ATF1: variants seen among roughly 807,000 people sequenced by gnomAD.
ATF1 encodes activating transcription factor 1, also known as cyclic AMP-dependent transcription factor ATF-1.
A neutral mutation model predicts 34.7 loss-of-function variants in ATF1; 16 were observed. That is an observed-to-expected ratio of 0.46 (90% confidence interval 0.31 to 0.70). ATF1 has a LOEUF of 0.70. Among genes scored for constraint, ATF1 ranks in the 30% least tolerant of loss-of-function variants. The pLI, the probability that ATF1 is intolerant of heterozygous loss-of-function variation, is 0.05. For synonymous variants in ATF1, 105 were observed against 113.1 expected (o/e 0.93, Z 0.46); for missense variants, 255 against 321.6 (o/e 0.79, Z 1.58).
At chr12:50,783,750 C>G (rs551378351) in intron 2 of ATF1, among the ~76,000 whole-genome samples, 36 of 151,934 alleles carry the variant, frequency 2.4e-4, no homozygotes, top group African/African-American at 8.4e-4. Context: ...CACCTTTAAT[C>G]CCAGCTACTC....
chr12:50,816,457 T>C (rs1429834651), intron 6 of ATF1, among the ~76,000 whole-genome samples: 1 of 151,850 alleles, frequency 6.6e-6, no homozygotes. Context: ...CATAGCAGAG[T>C]AGGATGACCA....
chr12:50,802,736 G>T (rs1422102795), intron 3 of ATF1, among the ~76,000 whole-genome samples: 1 of 151,070 alleles, frequency 6.6e-6, no homozygotes, highest in African/African-American at 2.4e-5. Flanking sequence ...GCTGGGTGTG[G>T]TGGCCCGCAC....
At chr12:50,768,213 C>T (rs1940686779) in intron 1 of ATF1, among the ~76,000 whole-genome samples, 2 of 152,082 alleles carry the variant, frequency 1.3e-5, no homozygotes, top group African/African-American at 2.4e-5. Flanking sequence ...GTTCAATTAC[C>T]CACCTAGGAA....
intron 1 of ATF1, 56 bp from the exon 2 acceptor site, chr12:50,780,084 T>C (rs1941021478): frequency 7.5e-7 from 1 of 1,327,650 alleles, no homozygotes; most frequent in African/African-American, 1.5e-5. Flanking sequence ...TTCTATAGTA[T>C]ACTGTAAACA....
At chr12:50,815,304 C>CTAGT (rs74740309) in intron 6 of ATF1, among the ~76,000 whole-genome samples, 53,244 of 151,524 alleles carry the variant, frequency 0.35, 9,571 homozygotes, top group Non-Finnish European at 0.39. Flanking sequence ...TGACCCTAGG[C>CTAGT]TAGTTAGCCT....
chr12:50,801,008 GGAGAATCAC>G (rs1414187414), intron 3 of ATF1, among the ~76,000 whole-genome samples: 1 of 152,174 alleles, frequency 6.6e-6, no homozygotes, highest in Non-Finnish European at 1.5e-5. Context: ...GGCTGAGGCA[GGAGAATCAC>G]TTGAACCTGG....
In ATF1 at chr12:50,809,443, G is replaced by GT. The variant is rs4986837; in HGVS notation, c.195-5dup. The GT allele has an allele frequency of 1.3e-6, 2 of 1,596,682 alleles. No individual in the cohort carries two copies. The highest frequency in any genetic ancestry group is 1.7e-5 in the Admixed American group (1 of 59,150). On this transcript the variant is annotated splice_polypyrimidine_tract_variant and intron_variant, in intron 3 of 6. Transcript: ENST00000262053. Reference sequence around the variant, plus strand: ...ATTACCAATGTTTAATAGAGTTCTGGTTTTTTTTACAGAAAAATTTTGAAA... The same window carrying GT: ...ATTACCAATGTTTAATAGAGTTCTGGTTTTTTTTTACAGAAAAATTTTGAAA...
At chr12:50,772,001 G>C (rs1220415997) in intron 1 of ATF1, among the ~76,000 whole-genome samples, 1 of 152,122 alleles carries the variant, frequency 6.6e-6, no homozygotes, top group African/African-American at 2.4e-5. Context: ...GCAGCCCTCG[G>C]GGCTGCTCTG....
intron 3 of ATF1, among the ~76,000 whole-genome samples, chr12:50,803,216 C>T (rs559323993): frequency 3.3e-5 from 5 of 150,684 alleles, no homozygotes; most frequent in African/African-American, 4.9e-5. Flanking sequence ...TGTAGTGAGC[C>T]GAGATCGCAC....
intron 6 of ATF1, 144 bp downstream of exon 6, chr12:50,814,583 G>C: frequency 1.0e-6 from 1 of 964,832 alleles, no homozygotes; most frequent in Non-Finnish European, 1.5e-6. Context: ...GAATGACGGT[G>C]GTCCCATAAA....
At chr12:50,789,928 G>C (rs753644337) in intron 2 of ATF1, among the ~76,000 whole-genome samples, 2 of 152,164 alleles carry the variant, frequency 1.3e-5, no homozygotes, top group African/African-American at 4.8e-5. Context: ...AGTAATAAGG[G>C]ATAGGGACTA....
chr12:50,772,102 G>A (rs73096828), intron 1 of ATF1, among the ~76,000 whole-genome samples: 25,170 of 151,964 alleles, frequency 0.17, 2,595 homozygotes, highest in East Asian at 0.28. Flanking sequence ...TTTCTTGTGC[G>A]AGATCCAAGA....
chr12:50,763,921 A>G (rs1003333411), upstream of ATF1, among the ~76,000 whole-genome samples: 22 of 152,282 alleles, frequency 1.4e-4, no homozygotes, highest in Admixed American at 1.2e-3. Context: ...ACCCCTAGCC[A>G]CAAGTCAGGA....
chr12:50,767,245 C>T (rs904799235), intron 1 of ATF1, among the ~76,000 whole-genome samples: 3 of 151,346 alleles, frequency 2.0e-5, no homozygotes, highest in South Asian at 2.1e-4. Flanking sequence ...CAGCCTGGCA[C>T]GGTGGCTCAG....
chr12:50,764,110 C>T lies in ATF1; in HGVS notation c.-204C>T, dbSNP rs1274777687. The T allele has an allele frequency of 1.4e-5, 2 of 147,714 alleles. No individual in the cohort carries two copies. The highest frequency in any genetic ancestry group is 5.0e-5 in the African/African-American group (2 of 40,240). The allele number at this position is 147,714 out of a possible 1,614,324, so 9.2% of individuals were successfully genotyped here. On this transcript the variant is annotated 5_prime_UTR_variant, in exon 1 of 7. Transcript: ENST00000262053. ...TGTAGATCATGCCGCCAGTAGCGGC[C>T]CTGACTGCCGAGGAAACGGTAGCTT...
chr12:50,816,115 A>T (rs962324939), intron 6 of ATF1, among the ~76,000 whole-genome samples: 1 of 152,114 alleles, frequency 6.6e-6, no homozygotes, highest in African/African-American at 2.4e-5. Flanking sequence ...CGGGAGGATC[A>T]CTTGAGCCTA....
intron 1 of ATF1, among the ~76,000 whole-genome samples, chr12:50,771,602 GA>G (rs902689486): frequency 3.9e-5 from 6 of 152,070 alleles, no homozygotes; most frequent in Non-Finnish European, 8.8e-5. Flanking sequence ...TAGACGGGGG[GA>G]AATGTCAGAG....
chr12:50,799,340 G>T (rs1941470391), intron 3 of ATF1, among the ~76,000 whole-genome samples: 1 of 152,148 alleles, frequency 6.6e-6, no homozygotes, highest in Non-Finnish European at 1.5e-5. Flanking sequence ...AGCCATGATT[G>T]TGCCATGCAC....
intron 1 of ATF1, 51 bp downstream of exon 1, chr12:50,764,358 C>G (rs1323360795): frequency 1.3e-5 from 2 of 150,284 alleles, no homozygotes; most frequent in African/African-American, 2.4e-5. Flanking sequence ...CGGGGAAGGA[C>G]GCGGGAACGT....
Sources: allele counts gnomAD v4.1 joint callset (sites outside exome capture counted in the v4.1 genomes callset), GRCh38; gene constraint gnomAD v4.1.1; transcripts MANE v1.5; gene names NCBI Gene and HGNC (gene_info 2026-07-23, HGNC 2026-07-21).